KCNIP4: variants seen among roughly 807,000 people sequenced by gnomAD.
The protein encoded by KCNIP4 is potassium voltage-gated channel interacting protein 4.
A neutral mutation model predicts 34.0 loss-of-function variants in KCNIP4; 12 were observed. That is an observed-to-expected ratio of 0.35 (90% CI 0.23 to 0.57). The LOEUF (loss-of-function observed/expected upper bound fraction) is 0.57, where lower values mean the gene tolerates loss of function less well. KCNIP4 is among the 20% of genes least tolerant of loss of function. The pLI is 0.83. For missense variants in KCNIP4, 238 were observed against 311.7 expected (o/e 0.76, Z 1.78); for synonymous variants, 124 against 102.2 (o/e 1.21, Z -1.29).
At chr4:21,753,602 A>C (rs546733760) in intron 1 of KCNIP4, among the ~76,000 whole-genome samples, 2 of 152,282 alleles carry the variant, frequency 1.3e-5, no homozygotes, top group East Asian at 3.9e-4. Context: ...TGTGAGTTGC[A>C]GCAGGACTGG....
chr4:21,840,668 G>A (rs932873059), intron 1 of KCNIP4, among the ~76,000 whole-genome samples: 2 of 152,096 alleles, frequency 1.3e-5, no homozygotes, highest in Non-Finnish European at 2.9e-5. Context: ...AAATGAGCAA[G>A]GCTTTGAAAC....
intron 1 of KCNIP4, among the ~76,000 whole-genome samples, chr4:21,086,989 CTTTT>C (rs559696005): frequency 1.6e-5 from 2 of 126,838 alleles, no homozygotes; most frequent in Non-Finnish European, 3.4e-5. Context: ...CTCTTTCTTT[CTTTT>C]TTTTTTTTTT....
At chr4:20,814,013 G>A (rs893125411) in intron 3 of KCNIP4, among the ~76,000 whole-genome samples, 1 of 152,162 alleles carries the variant, frequency 6.6e-6, no homozygotes, top group Non-Finnish European at 1.5e-5. Context: ...CACTATCTGT[G>A]CAGCTGTGGG....
intron 1 of KCNIP4, among the ~76,000 whole-genome samples, chr4:21,662,965 T>C (rs556135590): frequency 6.6e-6 from 1 of 152,316 alleles, no homozygotes; most frequent in Admixed American, 6.5e-5. Flanking sequence ...AAGAAGAAAC[T>C]ATTGATCATT....
At chr4:21,642,591 T>C (rs992431833) in intron 1 of KCNIP4, among the ~76,000 whole-genome samples, 9 of 152,166 alleles carry the variant, frequency 5.9e-5, no homozygotes, top group Admixed American at 2.6e-4. Context: ...GATGACCCAT[T>C]AGCACAATTT....
At chr4:21,090,647 G>C (rs1201594354) in intron 1 of KCNIP4, among the ~76,000 whole-genome samples, 1 of 152,116 alleles carries the variant, frequency 6.6e-6, no homozygotes, top group Non-Finnish European at 1.5e-5. Context: ...TTAAGTCACA[G>C]ATTGTTTCAT....
chr4:21,332,072 T>A lies in KCNIP4; in HGVS notation c.62-449363A>T, dbSNP rs971127424. Among the ~76,000 whole-genome samples the A allele has an allele frequency of 5.3e-5, 8 of 152,158 alleles. No individual in the cohort carries two copies. In the South Asian group the frequency reaches 1.5e-3, roughly 28 times the overall value. On this transcript the variant is annotated intron_variant, in intron 1 of 8. Transcript: ENST00000382152. ...TATTCATAATCAATCCCAAAACAAG[T>A]GATTCCAAGGATCTATAAAATTTTA...
chr4:21,008,047 G>T (rs1028274401), intron 1 of KCNIP4, among the ~76,000 whole-genome samples: 2 of 152,170 alleles, frequency 1.3e-5, no homozygotes, highest in Non-Finnish European at 2.9e-5. Context: ...ACCTGGTTAA[G>T]CATACAATAT....
intron 1 of KCNIP4, among the ~76,000 whole-genome samples, chr4:21,644,691 T>A (rs13118277): frequency 0.48 from 72,275 of 151,888 alleles, 17,830 homozygotes; most frequent in African/African-American, 0.54. Flanking sequence ...CTCCAATAGT[T>A]GTCTCAGTAC....
chr4:20,833,630 C>G (rs1718689214), intron 3 of KCNIP4, among the ~76,000 whole-genome samples: 1 of 152,048 alleles, frequency 6.6e-6, no homozygotes, highest in Non-Finnish European at 1.5e-5. Flanking sequence ...TATTTCATAC[C>G]ATACAAATTG....
chr4:21,689,230 C>A (rs772259701), intron 1 of KCNIP4, among the ~76,000 whole-genome samples: 1 of 151,998 alleles, frequency 6.6e-6, no homozygotes, highest in Non-Finnish European at 1.5e-5. Context: ...ATATAGGTAC[C>A]TTTCTATTTA....
intron 1 of KCNIP4, among the ~76,000 whole-genome samples, chr4:21,400,572 TC>T (rs879494319): frequency 0.03 from 2,845 of 94,878 alleles, 64 homozygotes; most frequent in Non-Finnish European, 0.044. Context: ...TCTCTTCTCT[TC>T]TCTTCGTTCT....
intron 1 of KCNIP4, among the ~76,000 whole-genome samples, chr4:21,593,119 T>TTTGTGTGTGTGTGTG (rs1560543855): frequency 8.2e-5 from 11 of 134,872 alleles, no homozygotes; most frequent in African/African-American, 2.4e-4. Context: ...GTGTGTGTGT[T>TTTGTGTGTGTGTGTG]TGTGTGTGTG....
At chr4:21,068,559 G>A (rs1232861094) in intron 1 of KCNIP4, among the ~76,000 whole-genome samples, 1 of 152,112 alleles carries the variant, frequency 6.6e-6, no homozygotes, top group Non-Finnish European at 1.5e-5. Context: ...AGTAGGGTGT[G>A]TGCACTGATT....
At chr4:20,979,120 T>C (rs931482238) in intron 1 of KCNIP4, among the ~76,000 whole-genome samples, 3 of 152,202 alleles carry the variant, frequency 2.0e-5, no homozygotes, top group Non-Finnish European at 4.4e-5. Context: ...ACTATACCTA[T>C]AGCTATGATC....
chr4:21,063,355 A>G (rs1744088313), intron 1 of KCNIP4, among the ~76,000 whole-genome samples: 1 of 152,224 alleles, frequency 6.6e-6, no homozygotes, highest in African/African-American at 2.4e-5. Context: ...ATCAGTAAAC[A>G]AACCCTGCTA....
intron 1 of KCNIP4, among the ~76,000 whole-genome samples, chr4:21,020,495 C>A (rs934029263): frequency 3.3e-5 from 5 of 152,044 alleles, no homozygotes; most frequent in Admixed American, 3.3e-4. Context: ...AGGTAAACAC[C>A]CTCTGCACCC....
intron 1 of KCNIP4, among the ~76,000 whole-genome samples, chr4:21,854,063 T>A (rs1289851037): frequency 6.6e-6 from 1 of 152,184 alleles, no homozygotes; most frequent in Non-Finnish European, 1.5e-5. Context: ...TCAGTAACTG[T>A]TCATAGCCCC....
chr4:21,277,903 G>A (rs1762535172), intron 1 of KCNIP4, among the ~76,000 whole-genome samples: 1 of 152,116 alleles, frequency 6.6e-6, no homozygotes, highest in African/African-American at 2.4e-5. Flanking sequence ...ATGCTAAACA[G>A]CTTCCAGACA....
Sources: allele counts gnomAD v4.1 joint callset (sites outside exome capture counted in the v4.1 genomes callset), GRCh38; gene constraint gnomAD v4.1.1; transcripts MANE v1.5; gene names NCBI Gene and HGNC (gene_info 2026-07-23, HGNC 2026-07-21).